The following CDH7 variants were observed in gnomAD, a reference collection of about 807,000 sequenced individuals.
CDH7 encodes the protein cadherin 7.
A neutral mutation model predicts 71.8 loss-of-function variants in CDH7; 25 were observed. The observed-to-expected ratio is 0.35, with a 90% CI of 0.25 to 0.49. The LOEUF (loss-of-function observed/expected upper bound fraction) is 0.49, where lower values mean the gene tolerates loss of function less well. CDH7 is among the 20% of genes least tolerant of loss of function. The pLI, the probability that CDH7 is intolerant of heterozygous loss-of-function variation, is 0.99. For missense variants in CDH7, 862 were observed against 974.6 expected (o/e 0.88, Z 1.54); for synonymous variants, 381 against 363.8 (o/e 1.05, Z -0.54).
chr18:65,794,727 A>G (rs9961757), intron 2 of CDH7, among the ~76,000 whole-genome samples: 51,704 of 151,686 alleles, frequency 0.34, 9,449 homozygotes, highest in African/African-American at 0.45. Context: ...GATGGGTGGG[A>G]GTGGAAATGG....
At chr18:65,837,609 A>T (rs1004959757) in intron 6 of CDH7, among the ~76,000 whole-genome samples, 9 of 152,186 alleles carry the variant, frequency 5.9e-5, no homozygotes, top group African/African-American at 1.9e-4. Context: ...TTACATATTA[A>T]AAGGGCAGAA....
At position 65,822,258 on chromosome 18, in the gene CDH7, T is replaced by C. The variant is rs755863952; in HGVS notation, c.793+10T>C. 27 of 1,600,078 alleles carry C rather than the reference T, an allele frequency of 1.7e-5. No homozygotes were observed. Among genetic ancestry groups the C allele is most frequent in the Middle Eastern group, 1.7e-4 (1 of 6,054 alleles). On this transcript the variant is annotated intron_variant, in intron 5 of 11. Coordinates refer to ENST00000397968, the MANE Select transcript of CDH7 (RefSeq NM_004361.5). ...CCTCGCTTTCCTCGAAGTAAGTTGT[T>C]TTCTTAAGTGACACAAGTGCAATAA...
intron 2 of CDH7, among the ~76,000 whole-genome samples, chr18:65,802,957 C>A (rs1175039676): frequency 6.6e-6 from 1 of 152,148 alleles, no homozygotes; most frequent in African/African-American, 2.4e-5. Context: ...GGTTCCAAGG[C>A]AGGACTGTTT....
chr18:65,808,887 G>C (rs1294113202), intron 2 of CDH7, among the ~76,000 whole-genome samples: 1 of 152,132 alleles, frequency 6.6e-6, no homozygotes, highest in Non-Finnish European at 1.5e-5. Context: ...ATGAAGTTCA[G>C]GGAAATGTGT....
intron 9 of CDH7, 130 bp from the exon 10 acceptor site, chr18:65,859,578 C>T (rs143401270): frequency 1.5e-5 from 9 of 608,250 alleles, no homozygotes; most frequent in African/African-American, 7.4e-5. Flanking sequence ...AATAATACAT[C>T]GGATCCTTTC....
intron 6 of CDH7, among the ~76,000 whole-genome samples, chr18:65,840,395 A>G (rs1243176698): frequency 1.7e-5 from 2 of 119,846 alleles, no homozygotes; most frequent in African/African-American, 2.8e-5. Flanking sequence ...CTAAAAGAGA[A>G]GCAGCGCTTT....
At chr18:65,854,578 T>C (rs983042777) in intron 7 of CDH7, among the ~76,000 whole-genome samples, 1 of 152,172 alleles carries the variant, frequency 6.6e-6, no homozygotes, top group Non-Finnish European at 1.5e-5. Flanking sequence ...GTTTTAGTCA[T>C]TGACTTTAGC....
At chr18:65,875,731 G>A (rs924922337) in intron 11 of CDH7, among the ~76,000 whole-genome samples, 91 of 152,238 alleles carry the variant, frequency 6.0e-4, no homozygotes, top group African/African-American at 2.0e-3. Flanking sequence ...AGCTCAAGGA[G>A]TTCGAGACCA....
chr18:65,820,955 A>T (rs1016058354), intron 4 of CDH7, among the ~76,000 whole-genome samples: 28 of 152,118 alleles, frequency 1.8e-4, no homozygotes, highest in Non-Finnish European at 1.9e-4. Context: ...AGTCAAATTT[A>T]AAAAAATATA....
chr18:65,885,416 C>T lies in CDH7; in HGVS notation c.*4522C>T, dbSNP rs926748532. On this transcript the variant is annotated 3_prime_UTR_variant, in exon 12 of 12. Transcript: ENST00000397968. ...TTTTTGACGTGGAGTCTCGCTCTGT[C>T]GCCCAGGCTGGAGTGCAGTGGTGCG... The T allele has an allele frequency of 1.2e-5, 1 of 84,068 alleles. No homozygotes were observed. Among genetic ancestry groups the T allele is most frequent in the Admixed American group, 2.0e-4 (1 of 4,898 alleles). The allele number at this position is 84,068 out of a possible 1,614,324, so 5.2% of individuals were successfully genotyped here.
chr18:65,821,098 G>T (rs180784949), intron 4 of CDH7, among the ~76,000 whole-genome samples: 15 of 149,266 alleles, frequency 1.0e-4, no homozygotes, highest in Non-Finnish European at 2.2e-4. Flanking sequence ...CAGAAATAAA[G>T]ATAATTAACA....
intron 10 of CDH7, 102 bp downstream of exon 10, chr18:65,859,927 A>T (rs1205579646): frequency 5.7e-6 from 4 of 707,578 alleles, no homozygotes. Flanking sequence ...TTTTAAAGCA[A>T]GGACAATAAT....
At chr18:65,806,217 C>T (rs570200335) in intron 2 of CDH7, among the ~76,000 whole-genome samples, 45 of 151,862 alleles carry the variant, frequency 3.0e-4, no homozygotes, top group African/African-American at 1.0e-3. Context: ...ACCTCCTCCT[C>T]AGCTTATTTT....
rs1212577721 is a variant in CDH7, at chr18:65,763,010, G to A, written c.168G>A (p.Val56=). 1 of 1,613,402 alleles carries A rather than the reference G, an allele frequency of 6.2e-7. No individual in the cohort carries two copies. The highest frequency in any genetic ancestry group is 8.5e-7 in the Non-Finnish European group (1 of 1,179,732). ...KRSWVWNQFF[V]LEEYMGSDPL... is the part of the protein sequence containing the mutation. Reference sequence around the variant, plus strand: ...GCTGGGTGTGGAATCAGTTCTTTGTGCTGGAGGAATACATGGGTTCAGACC... The same window carrying A: ...GCTGGGTGTGGAATCAGTTCTTTGTACTGGAGGAATACATGGGTTCAGACC... The change falls in exon 2 of 12, where the codon GTG becomes GTA. Residue 56 remains valine (V), a synonymous_variant. Transcript: ENST00000397968.
chr18:65,757,783 A>G (rs1413521511), intron 1 of CDH7, among the ~76,000 whole-genome samples: 1 of 141,438 alleles, frequency 7.1e-6, no homozygotes, highest in Non-Finnish European at 1.5e-5. Context: ...ATATCCATAT[A>G]TATATATATT....
chr18:65,844,974 G>T (rs1454644557), intron 7 of CDH7, among the ~76,000 whole-genome samples: 1 of 151,920 alleles, frequency 6.6e-6, no homozygotes, highest in Non-Finnish European at 1.5e-5. Flanking sequence ...ACTATCCACA[G>T]ACTTTTAGAT....
At chr18:65,857,990 A>G in intron 8 of CDH7, 38 bp downstream of exon 8, 2 of 1,598,384 alleles carry the variant, frequency 1.3e-6, no homozygotes, top group Non-Finnish European at 1.7e-6. Flanking sequence ...AAGATGGAGG[A>G]CAGTGAGTGG....
At chr18:65,869,922 A>AT (rs1188656447) in intron 11 of CDH7, among the ~76,000 whole-genome samples, 9 of 151,888 alleles carry the variant, frequency 5.9e-5, no homozygotes, top group Non-Finnish European at 1.3e-4. Context: ...ATTAGACCCT[A>AT]TTTTTTCTAT....
chr18:65,878,259 T>G (rs1914127026), intron 11 of CDH7, among the ~76,000 whole-genome samples: 1 of 152,352 alleles, frequency 6.6e-6, no homozygotes, highest in South Asian at 2.1e-4. Flanking sequence ...AACTGCTCTG[T>G]TGCATACTGA....
Sources: gnomAD v4.1 joint callset for allele counts (sites outside exome capture counted in the v4.1 genomes callset) on GRCh38, gnomAD v4.1.1 for gene constraint, MANE v1.5 for transcripts, NCBI Gene and HGNC (gene_info 2026-07-23, HGNC 2026-07-21) for gene names.